FGF21: variants seen among roughly 807,000 people sequenced by gnomAD.
FGF21 encodes fibroblast growth factor 21.
A neutral mutation model predicts 13.4 loss-of-function variants in FGF21; 13 were observed. That is an observed-to-expected ratio of 0.97 (90% CI 0.63 to 1.54). The LOEUF (loss-of-function observed/expected upper bound fraction) is 1.54. Among genes scored for constraint, FGF21 ranks in the 40% most tolerant of loss-of-function variants. The probability of loss-of-function intolerance (pLI) is 0.00; values close to 1 mark genes in which losing one functional copy is unlikely to be tolerated. For synonymous variants in FGF21, 124 were observed against 123.6 expected (o/e 1.00, Z -0.02); for missense variants, 303 against 272.4 (o/e 1.11, Z -0.79).
chr19:48,757,418 A>AC (rs1186177447), intron 3 of FGF21, among the ~76,000 whole-genome samples: 1 of 151,834 alleles, frequency 6.6e-6, no homozygotes, highest in East Asian at 1.9e-4. Flanking sequence ...TGCTAGGGAG[A>AC]CACCCCGCCT....
Position 48,758,321 on chromosome 19 carries a change from A to G in FGF21, c.*101A>G. The G allele has an allele frequency of 2.6e-6, 3 of 1,170,788 alleles. No homozygotes were observed. The highest frequency in any genetic ancestry group is 3.5e-6 in the Non-Finnish European group (3 of 860,072). 72.5% of individuals were successfully genotyped at this position (1,170,788 alleles called of 1,614,324 possible). ...TACTTGAGATAATAAAGAGTTCCAG[A>G]GGAGGATAAGAATGAGCATGTGTGA... On this transcript the variant is annotated 3_prime_UTR_variant, in exon 4 of 4. Transcript: ENST00000593756.
chr19:48,757,559 A>T (rs980982032), intron 3 of FGF21, among the ~76,000 whole-genome samples: 4 of 148,354 alleles, frequency 2.7e-5, no homozygotes, highest in Non-Finnish European at 5.9e-5. Flanking sequence ...TTCCTAGAGG[A>T]GGGGCTGGGG....
rs193265932 is a variant in FGF21 at position 48,756,027 on chromosome 19, C to A, written c.-210C>A. 7 of 573,846 alleles carry A rather than the reference C, an allele frequency of 1.2e-5. No homozygotes were observed. In the Middle Eastern group the frequency reaches 1.4e-3, roughly 114 times the overall value. The allele number at this position is 573,846 out of a possible 1,614,324, so 35.5% of individuals were successfully genotyped here. A position where few individuals can be genotyped will look rare whatever the true frequency, so the allele number is the denominator to read the frequency against. On this transcript the variant is annotated 5_prime_UTR_variant, in exon 2 of 4. Transcript: ENST00000593756. ...TTCAGGCGCAGGGAGGGTGATTGGGCGGGCCTGTCTGGGTATAAATTCTGG... is the reference window on the plus strand; with the variant it reads ...TTCAGGCGCAGGGAGGGTGATTGGGAGGGCCTGTCTGGGTATAAATTCTGG...
Position 48,756,291 on chromosome 19 carries a change from G to T in FGF21, c.55G>T (p.Ala19Ser). 1 of 1,614,106 alleles carries T rather than the reference G, an allele frequency of 6.2e-7. No homozygotes were observed. The highest frequency in any genetic ancestry group is 8.5e-7 in the Non-Finnish European group (1 of 1,180,018). ...CTCAGGACTGTGGGTTTCTGTGCTG[G>T]CTGGTCTTCTGCTGGGAGCCTGCCA... The part of the protein sequence containing the change: ...EHSGLWVSVL[A>S]GLLLGACQAH... Residue 19 changes from alanine to serine, a missense_variant, in exon 2 of 4, where the codon GCT becomes TCT. By Grantham distance (99) the Ala-to-Ser change is moderately conservative (BLOSUM62 1). Coordinates refer to ENST00000593756, the MANE Select transcript of FGF21 (RefSeq NM_019113.4).
chr19:48,757,819 C>A, intron 3 of FGF21, 111 bp from the exon 4 acceptor site: 1 of 1,040,960 alleles, frequency 9.6e-7, no homozygotes, highest in Non-Finnish European at 1.4e-6. Context: ...GGAGGAGGCG[C>A]TGGGGGCCTG....
chr19:48,757,571 C>T (rs939083068), intron 3 of FGF21, among the ~76,000 whole-genome samples: 3 of 151,014 alleles, frequency 2.0e-5, no homozygotes, highest in African/African-American at 4.9e-5. Flanking sequence ...GGGCTGGGGG[C>T]CTGGACTCCT....
In FGF21 at chr19:48,758,049, C is replaced by T. The variant is rs1487742610; in HGVS notation, c.459C>T (p.His153=). Residue 153 remains histidine, a synonymous_variant, in exon 4 of 4, where the codon CAC becomes CAT. Transcript: ENST00000593756. ...ACCTGCCAGGGAACAAGTCCCCACA[C>T]CGGGACCCTGCACCCCGAGGACCAG... The part of the protein sequence containing the change: ...PLHLPGNKSP[H]RDPAPRGPAR... The T allele has an allele frequency of 1.9e-6, 3 of 1,613,282 alleles. No homozygotes were observed. The highest frequency in any genetic ancestry group is 2.7e-5 in the African/African-American group (2 of 74,900).
Position 48,756,358 on chromosome 19 carries a change from G to T in FGF21, c.122G>T (p.Gly41Val). 1 of 1,614,056 alleles carries T rather than the reference G, an allele frequency of 6.2e-7. No individual in the cohort carries two copies. Among genetic ancestry groups the T allele is most frequent in the Non-Finnish European group, 8.5e-7 (1 of 1,180,022 alleles). ...IPDSSPLLQF[G>V]GQVRQRYLYT... Reference sequence around the variant, plus strand: ...GACTCCAGTCCTCTCCTGCAATTCGGGGGCCAAGTCCGGCAGCGGTACCTC... The same window carrying T: ...GACTCCAGTCCTCTCCTGCAATTCGTGGGCCAAGTCCGGCAGCGGTACCTC... Residue 41 changes from glycine (G) to valine (V), a missense_variant, in exon 2 of 4, where the codon GGG becomes GTG. By Grantham distance (109) the Gly-to-Val change is moderately radical. Coordinates refer to ENST00000593756, the MANE Select transcript of FGF21 (RefSeq NM_019113.4).
At position 48,757,006 on chromosome 19, in the gene FGF21, C is replaced by G; in HGVS notation, c.316C>G (p.Pro106Ala). ...VKTSRFLCQR[P>A]DGALYGSLHF... ...GACATCCAGGTTCCTGTGCCAGCGG[C>G]CAGATGGGGCCCTGTATGGATCGGT... The change falls in exon 3 of 4, where the codon CCA becomes GCA. Residue 106 changes from proline to alanine, a missense_variant. Pro to Ala is a conservative substitution (Grantham distance 27, BLOSUM62 -1). Coordinates refer to ENST00000593756, the MANE Select transcript of FGF21 (RefSeq NM_019113.4). 1 of 1,614,006 alleles carries G rather than the reference C, an allele frequency of 6.2e-7. No homozygotes were observed. Among genetic ancestry groups the G allele is most frequent in the South Asian group, 1.1e-5 (1 of 91,084 alleles).
At chr19:48,757,791 T>C (rs1200563960) in intron 3 of FGF21, 139 bp from the exon 4 acceptor site, 6 of 741,112 alleles carry the variant, frequency 8.1e-6, no homozygotes, top group Non-Finnish European at 4.3e-6. Context: ...AACTAGGGTC[T>C]GGACCCCTGG....
chr19:48,756,230 G>C lies in FGF21; in HGVS notation c.-7G>C. On this transcript the variant is annotated 5_prime_UTR_variant, in exon 2 of 4. Transcript: ENST00000593756. ...CCCCGGAGATCACCTGAGGACCCGA[G>C]CCATTGATGGACTCGGACGAGACCG... is the stretch of plus-strand genomic sequence containing the variant. 6.2e-7 allele frequency: 1 copy of C among 1,610,598 alleles called. No individual in the cohort carries two copies. Among genetic ancestry groups the C allele is most frequent in the Non-Finnish European group, 8.5e-7 (1 of 1,177,330 alleles).
In FGF21 at chr19:48,758,142, G is replaced by A. The variant is rs1355280624; in HGVS notation, c.552G>A (p.Gln184=). The A allele has an allele frequency of 8.7e-6, 14 of 1,611,304 alleles. No individual in the cohort carries two copies. Among genetic ancestry groups the A allele is most frequent in the Middle Eastern group, 3.4e-4 (2 of 5,958 alleles). The change falls in exon 4 of 4, where the codon CAG becomes CAA. Residue 184 remains glutamine (Q), a synonymous_variant. Coordinates refer to ENST00000593756, the MANE Select transcript of FGF21 (RefSeq NM_019113.4). ...LPEPPGILAP[Q]PPDVGSSDPL... Reference sequence around the variant, plus strand: ...AGCCACCCGGAATCCTGGCCCCCCAGCCCCCCGATGTGGGCTCCTCGGACC... The same window carrying A: ...AGCCACCCGGAATCCTGGCCCCCCAACCCCCCGATGTGGGCTCCTCGGACC...
In FGF21 at chr19:48,757,927, T is replaced by C. The variant is rs1255821730; in HGVS notation, c.340-3T>C. The C allele has an allele frequency of 1.3e-6, 2 of 1,544,708 alleles. No homozygotes were observed. The highest frequency in any genetic ancestry group is 1.2e-5 in the South Asian group (1 of 80,900). Reference sequence around the variant, plus strand: ...TGTCTCTGATCCTGTTTTTGTCCCCTAGCTCCACTTTGACCCTGAGGCCTG... The same window carrying C: ...TGTCTCTGATCCTGTTTTTGTCCCCCAGCTCCACTTTGACCCTGAGGCCTG... On this transcript the variant is annotated splice_region_variant and splice_polypyrimidine_tract_variant and intron_variant, in intron 3 of 3. Coordinates refer to ENST00000593756, the MANE Select transcript of FGF21 (RefSeq NM_019113.4).
intron 2 of FGF21, 78 bp downstream of exon 2, chr19:48,756,549 TG>T (rs1344171517): frequency 3.6e-6 from 5 of 1,374,898 alleles, no homozygotes; most frequent in African/African-American, 1.5e-5. Flanking sequence ...GAGGAGGGGC[TG>T]GGGGCCTTGG....
In FGF21 at chr19:48,758,211, C is replaced by T. The variant is rs838130; in HGVS notation, c.621C>T (p.Tyr207=). ...VGPSQGRSPS[Y]AS is the part of the protein sequence containing the mutation. ...CTTCCCAGGGCCGAAGCCCCAGCTA[C>T]GCTTCCTGAAGCCAGAGGCTGTTTA... Residue 207 remains tyrosine (Y), a synonymous_variant, in exon 4 of 4, where the codon TAC becomes TAT. Coordinates refer to ENST00000593756, the MANE Select transcript of FGF21 (RefSeq NM_019113.4). 9,333 of 1,606,074 alleles carry T rather than the reference C, an allele frequency of 5.8e-3. 472 individuals are homozygous for T. In the African/African-American group the frequency reaches 0.1, roughly 18 times the overall value.
At position 48,756,370 on chromosome 19, in the gene FGF21, G is replaced by A. The variant is rs200208273; in HGVS notation, c.134G>A (p.Arg45Gln). Residue 45 changes from arginine (R) to glutamine (Q), a missense_variant, in exon 2 of 4, where the codon CGG becomes CAG. Physicochemically the swap from Arg to Gln is conservative, Grantham distance 43. Transcript: ENST00000593756. Reference sequence around the variant, plus strand: ...CTCCTGCAATTCGGGGGCCAAGTCCGGCAGCGGTACCTCTACACAGATGAT... The same window carrying A: ...CTCCTGCAATTCGGGGGCCAAGTCCAGCAGCGGTACCTCTACACAGATGAT... Reference protein sequence around the residue: ...SPLLQFGGQVRQRYLYTDDAQ... With the variant: ...SPLLQFGGQVQQRYLYTDDAQ... The A allele has an allele frequency of 9.4e-5, 151 of 1,613,884 alleles. No homozygotes were observed. Among genetic ancestry groups the A allele is most frequent in the Non-Finnish European group, 1.2e-4 (137 of 1,180,034 alleles).
Position 48,755,965 on chromosome 19 carries a change from A to G in FGF21, c.-272A>G. On this transcript the variant is annotated 5_prime_UTR_variant, in exon 2 of 4. Coordinates refer to ENST00000593756, the MANE Select transcript of FGF21 (RefSeq NM_019113.4). ...TTCAGGCTGCCCTTGCCACGATGGAATTCTGTAGCTCCTGCCAAATGGGTC... is the reference window on the plus strand; with the variant it reads ...TTCAGGCTGCCCTTGCCACGATGGAGTTCTGTAGCTCCTGCCAAATGGGTC... The G allele has an allele frequency of 2.4e-6, 1 of 424,166 alleles. No individual in the cohort carries two copies. The highest frequency in any genetic ancestry group is 3.4e-5 in the South Asian group (1 of 29,714). 26.3% of individuals were successfully genotyped at this position (424,166 alleles called of 1,614,324 possible).
rs745695504 is a variant in FGF21, at chr19:48,757,014, G to A, written c.324G>A (p.Gly108=). ...GGTTCCTGTGCCAGCGGCCAGATGG[G>A]GCCCTGTATGGATCGGTGAGTTTCC... ...TSRFLCQRPD[G]ALYGSLHFDP... is the part of the protein sequence containing the mutation. The change falls in exon 3 of 4, where the codon GGG becomes GGA. Residue 108 remains glycine, a synonymous_variant. Transcript: ENST00000593756. 2.5e-6 allele frequency: 4 copies of A among 1,613,802 alleles called. No homozygotes were observed. Among genetic ancestry groups the A allele is most frequent in the African/African-American group, 1.3e-5 (1 of 75,002 alleles).
In FGF21 at chr19:48,756,948, G is replaced by A; in HGVS notation, c.258G>A (p.Leu86=). ...TAGGTCTCCTGCAGCTGAAAGCCTT[G>A]AAGCCGGGAGTTATTCAAATCTTGG... ...SPESLLQLKA[L]KPGVIQILGV... The change falls in exon 3 of 4, where the codon TTG becomes TTA. Residue 86 remains leucine, a synonymous_variant. Coordinates refer to ENST00000593756, the MANE Select transcript of FGF21 (RefSeq NM_019113.4). The A allele has an allele frequency of 2.5e-6, 4 of 1,614,050 alleles. No homozygotes were observed. Among genetic ancestry groups the A allele is most frequent in the Non-Finnish European group, 3.4e-6 (4 of 1,179,960 alleles).
Sources: allele counts gnomAD v4.1 joint callset (sites outside exome capture counted in the v4.1 genomes callset), GRCh38; gene constraint gnomAD v4.1.1; transcripts MANE v1.5; gene names NCBI Gene and HGNC (gene_info 2026-07-23, HGNC 2026-07-21).